The following PEBP4 variants were observed in gnomAD, a reference collection of about 807,000 sequenced individuals.
PEBP4 encodes the protein phosphatidylethanolamine-binding protein 4.
A neutral mutation model predicts 23.9 loss-of-function variants in PEBP4; 22 were observed. The observed-to-expected ratio is 0.92, with a 90% CI of 0.66 to 1.31. The LOEUF is 1.31. PEBP4 is among the 40% of genes most tolerant of loss of function. The pLI is 0.00. For synonymous variants in PEBP4, 112 were observed against 99.3 expected, an observed-to-expected ratio of 1.13 and a Z score of -0.76; for missense variants, 324 against 281.7, an observed-to-expected ratio of 1.15 and a Z score of -1.07.
At chr8:22,913,419 C>T (rs1430159784) in intron 3 of PEBP4, among the ~76,000 whole-genome samples, 1 of 152,142 alleles carries the variant, frequency 6.6e-6, no homozygotes, top group Admixed American at 6.5e-5. Context: ...ATCATCATTC[C>T]CCACGCTCTG....
intron 2 of PEBP4, among the ~76,000 whole-genome samples, chr8:22,923,470 G>A (rs991916565): frequency 3.3e-5 from 5 of 152,114 alleles, no homozygotes; most frequent in Non-Finnish European, 5.9e-5. Flanking sequence ...GGGAGGCTGA[G>A]GTGGGAGGAT....
intron 4 of PEBP4, among the ~76,000 whole-genome samples, chr8:22,806,628 A>AT (rs1272864746): frequency 6.6e-6 from 1 of 151,962 alleles, no homozygotes; most frequent in African/African-American, 2.4e-5. Flanking sequence ...AAAAAAAAAA[A>AT]AAAAAGATAT....
intron 3 of PEBP4, among the ~76,000 whole-genome samples, chr8:22,894,427 A>T (rs188299665): frequency 3.3e-5 from 5 of 151,892 alleles, no homozygotes; most frequent in African/African-American, 4.8e-5. Flanking sequence ...AAAAATAAAT[A>T]AAAAAAATTC....
intron 3 of PEBP4, chr8:22,895,623 T>C (rs1808574821): frequency 6.6e-6 from 1 of 152,226 alleles, no homozygotes; most frequent in Non-Finnish European, 1.5e-5. Context: ...ATAGTTCTAC[T>C]CTGCTCTCTT....
chr8:22,924,183 C>T (rs775534078), intron 2 of PEBP4, among the ~76,000 whole-genome samples: 3 of 152,000 alleles, frequency 2.0e-5, no homozygotes, highest in African/African-American at 4.8e-5. Context: ...GACTACATAC[C>T]GAGACTCCCA....
Position 22,880,901 on chromosome 8 carries a change from G to GGGGCCA in PEBP4, c.258+39277_258+39282dup, listed in dbSNP as rs1485725181. The stretch of plus-strand genomic sequence containing the variant: ...GCAGTCCCCAAAGAAGGGGAAGCAC[G>GGGGCCA]GGGCCAGGGCCAGGGCCTGGGCCCT... On this transcript the variant is annotated intron_variant, in intron 3 of 6. Coordinates refer to ENST00000256404, the MANE Select transcript of PEBP4 (RefSeq NM_144962.3). Among the ~76,000 whole-genome samples the GGGGCCA allele has an allele frequency of 2.6e-5, 4 of 152,194 alleles. No homozygotes were observed. In the South Asian group the frequency reaches 8.3e-4, roughly 31 times the overall value.
rs542678559 is a variant in PEBP4, at chr8:22,773,167, A to T, written c.357+44470T>A. Among the ~76,000 whole-genome samples, 214 of 152,338 alleles carry T rather than the reference A, an allele frequency of 1.4e-3. 1 individual carries two copies. The highest frequency in any genetic ancestry group is 4.9e-3 in the African/African-American group (205 of 41,582). On this transcript the variant is annotated intron_variant, in intron 4 of 6. Coordinates refer to ENST00000256404, the MANE Select transcript of PEBP4 (RefSeq NM_144962.3). The stretch of plus-strand genomic sequence containing the variant: ...TCTGGAAAACACATAGAGATAAATT[A>T]GCACTAATTGGTTTTCCTCTGGCTG...
intron 3 of PEBP4, among the ~76,000 whole-genome samples, chr8:22,837,348 T>C (rs1807225866): frequency 6.6e-6 from 1 of 152,230 alleles, no homozygotes; most frequent in Non-Finnish European, 1.5e-5. Context: ...CCGTGACTTG[T>C]AGCGATTGTT....
At chr8:22,854,718 T>C (rs898348537) in intron 3 of PEBP4, among the ~76,000 whole-genome samples, 2 of 152,200 alleles carry the variant, frequency 1.3e-5, no homozygotes, top group Admixed American at 1.3e-4. Context: ...TTACCATAAA[T>C]ATGTGTAAAG....
intron 6 of PEBP4, 29 bp from the exon 7 acceptor site, chr8:22,713,565 C>T (rs1370737018): frequency 6.2e-7 from 1 of 1,613,782 alleles, no homozygotes; most frequent in East Asian, 2.2e-5. Context: ...CACAGGGAGG[C>T]AGTGAGAAAG....
chr8:22,726,493 C>T (rs1054300224), intron 5 of PEBP4, among the ~76,000 whole-genome samples: 1 of 152,254 alleles, frequency 6.6e-6, no homozygotes, highest in African/African-American at 2.4e-5. Flanking sequence ...CTCACTAGGG[C>T]TTTCCTCAAG....
chr8:22,760,774 CA>C lies in PEBP4; in HGVS notation c.358-33555del, dbSNP rs375965095. On this transcript the variant is annotated intron_variant, in intron 4 of 6. Coordinates refer to ENST00000256404, the MANE Select transcript of PEBP4 (RefSeq NM_144962.3). ...AGTCCACAATACGAGAAGGCTTGTG[CA>C]AACCCCCAGACAACTAACTCACATA... is the stretch of plus-strand genomic sequence containing the variant. Among the ~76,000 whole-genome samples, 392 of 152,268 alleles carry C rather than the reference CA, an allele frequency of 2.6e-3. 14 individuals are homozygous for C. In the South Asian group the frequency reaches 0.052, roughly 20 times the overall value.
chr8:22,898,860 C>G (rs1454308133), intron 3 of PEBP4, among the ~76,000 whole-genome samples: 1 of 152,188 alleles, frequency 6.6e-6, no homozygotes, highest in Non-Finnish European at 1.5e-5. Context: ...GGCCCCCTTA[C>G]TGCCCAGGAG....
chr8:22,790,461 T>G (rs1266006164), intron 4 of PEBP4, among the ~76,000 whole-genome samples: 2 of 151,910 alleles, frequency 1.3e-5, no homozygotes, highest in Non-Finnish European at 2.9e-5. Flanking sequence ...GGCATACCGG[T>G]GGGGGAAGAG....
chr8:22,848,631 G>A (rs1807490053), intron 3 of PEBP4, among the ~76,000 whole-genome samples: 1 of 152,116 alleles, frequency 6.6e-6, no homozygotes, highest in Non-Finnish European at 1.5e-5. Context: ...TCAATTTTTG[G>A]TAGCCAGAGA....
intron 3 of PEBP4, among the ~76,000 whole-genome samples, chr8:22,892,087 A>G (rs538364974): frequency 1.3e-5 from 2 of 152,190 alleles, no homozygotes; most frequent in South Asian, 4.1e-4. Context: ...AAAAAAAAAA[A>G]GAAACCAGGG....
In PEBP4 at chr8:22,920,249, T is replaced by C; in HGVS notation, c.193A>G (p.Asn65Asp). The C allele has an allele frequency of 1.2e-6, 2 of 1,613,910 alleles. No individual in the cohort carries two copies. The highest frequency in any genetic ancestry group is 1.3e-5 in the African/African-American group (1 of 75,012). Residue 65 changes from asparagine (N) to aspartate (D), a missense_variant, in exon 3 of 7, where the codon AAC (asparagine) becomes GAC (aspartate). Asn to Asp is a conservative substitution (Grantham distance 23, BLOSUM62 1). Transcript: ENST00000256404. ...NIGCKVVPDC[N>D]NYRQKITSWM... ...GAGGTGATCTTCTGTCTGTAGTTGT[T>C]ACAATCAGGAACAACCTTGCAGCCA...
chr8:22,907,624 G>C (rs1349515890), intron 3 of PEBP4, among the ~76,000 whole-genome samples: 1 of 152,102 alleles, frequency 6.6e-6, no homozygotes, highest in Non-Finnish European at 1.5e-5. Flanking sequence ...AGAGGTGATG[G>C]GCTGGCTCAC....
intron 3 of PEBP4, among the ~76,000 whole-genome samples, chr8:22,843,602 T>A (rs1207709783): frequency 6.6e-6 from 1 of 152,208 alleles, no homozygotes; most frequent in Non-Finnish European, 1.5e-5. Context: ...AATGGAATCA[T>A]CTAGGAAATT....
Sources: gnomAD v4.1 joint callset for allele counts (sites outside exome capture counted in the v4.1 genomes callset) on GRCh38, gnomAD v4.1.1 for gene constraint, MANE v1.5 for transcripts, NCBI Gene and HGNC (gene_info 2026-07-23, HGNC 2026-07-21) for gene names.